The following LARS2 variants were observed in gnomAD, a reference collection of about 807,000 sequenced individuals.
The protein encoded by LARS2 is leucine--tRNA ligase, mitochondrial.
LARS2 carries 81 observed loss-of-function variants against 116.6 expected under a neutral mutation model. The ratio of observed to expected loss-of-function variants is 0.69; its 90% CI spans 0.58 to 0.84. The LOEUF is 0.84. Among genes scored for constraint, LARS2 ranks in the 40% least tolerant of loss-of-function variants. The pLI, the probability that LARS2 is intolerant of heterozygous loss-of-function variation, is 0.00. For synonymous variants in LARS2, 396 were observed against 407.2 expected, an observed-to-expected ratio of 0.97 and a Z score of 0.33; for missense variants, 968 against 1,114.5, an observed-to-expected ratio of 0.87 and a Z score of 1.87.
intron 6 of LARS2, among the ~76,000 whole-genome samples, chr3:45,429,244 C>G (rs4682784): frequency 0.89 from 136,097 of 152,228 alleles, 62,771 homozygotes; most frequent in East Asian, 1. Flanking sequence ...CCTCTGCGAG[C>G]GTCTTACAAG....
intron 4 of LARS2, among the ~76,000 whole-genome samples, chr3:45,406,884 C>G (rs1322637864): frequency 6.6e-6 from 1 of 152,036 alleles, no homozygotes; most frequent in Non-Finnish European, 1.5e-5. Flanking sequence ...TAAAACTTAG[C>G]TCCATATGGT....
At position 45,500,427 on chromosome 3, in the gene LARS2, A is replaced by C; in HGVS notation, c.1623-15A>C. ...AAAGCAGGTTTTTAAAAATGCCTCC[A>C]TCTCTTTTTTACAGCCCTTTTAACA... On this transcript the variant is annotated splice_polypyrimidine_tract_variant and intron_variant, in intron 14 of 21. Coordinates refer to ENST00000645846, the MANE Select transcript of LARS2 (RefSeq NM_015340.4). 6.3e-7 allele frequency: 1 copy of C among 1,595,460 alleles called. No individual in the cohort carries two copies. Among genetic ancestry groups the C allele is most frequent in the Non-Finnish European group, 8.5e-7 (1 of 1,174,450 alleles).
At chr3:45,492,859 C>G (rs1052734440) in intron 13 of LARS2, among the ~76,000 whole-genome samples, 5 of 152,156 alleles carry the variant, frequency 3.3e-5, no homozygotes, top group African/African-American at 1.2e-4. Context: ...CAAGGTGGAA[C>G]TTGGAGGGAG....
rs369446248 is a variant in LARS2 at position 45,436,718 on chromosome 3, C to T, written c.517-10173C>T. Among the ~76,000 whole-genome samples, 39 of 147,252 alleles carry T rather than the reference C, an allele frequency of 2.6e-4. 2 individuals carry two copies. The highest frequency in any genetic ancestry group is 8.4e-4 in the African/African-American group (34 of 40,278). On this transcript the variant is annotated intron_variant, in intron 6 of 21. Coordinates refer to ENST00000645846, the MANE Select transcript of LARS2 (RefSeq NM_015340.4). Reference sequence around the variant, plus strand: ...CTGAGGCAAGAGAATGGCGTGAACCCGGGAAGCGGAGCTTGCAGTGAGCCG... The same window carrying T: ...CTGAGGCAAGAGAATGGCGTGAACCTGGGAAGCGGAGCTTGCAGTGAGCCG...
At chr3:45,504,175 C>T (rs1457150382) in intron 15 of LARS2, among the ~76,000 whole-genome samples, 1 of 151,516 alleles carries the variant, frequency 6.6e-6, no homozygotes, top group East Asian at 1.9e-4. Flanking sequence ...TTTTTAAGTC[C>T]AGTGATCCTC....
chr3:45,511,668 T>A (rs369437002), intron 15 of LARS2, among the ~76,000 whole-genome samples: 4 of 152,012 alleles, frequency 2.6e-5, no homozygotes, highest in Admixed American at 1.3e-4. Flanking sequence ...TGCAATTCTG[T>A]CCGTTCTCGG....
intron 20 of LARS2, among the ~76,000 whole-genome samples, chr3:45,540,249 ACT>A (rs758092109): frequency 1.3e-5 from 2 of 151,730 alleles, no homozygotes; most frequent in African/African-American, 4.8e-5. Flanking sequence ...ACAGAGTGAG[ACT>A]CTGTCTCAAA....
chr3:45,504,767 G>A (rs1427555847), intron 15 of LARS2, among the ~76,000 whole-genome samples: 2 of 149,788 alleles, frequency 1.3e-5, no homozygotes, highest in Non-Finnish European at 3.0e-5. Flanking sequence ...GTTTTGTTTT[G>A]TTTGTTTTTT....
chr3:45,478,605 A>T (rs1338029820), intron 10 of LARS2, among the ~76,000 whole-genome samples: 1 of 152,220 alleles, frequency 6.6e-6, no homozygotes, highest in Non-Finnish European at 1.5e-5. Context: ...CATTTTGGCA[A>T]ATTTAGTGCC....
chr3:45,512,285 G>C (rs1700303069), intron 15 of LARS2, among the ~76,000 whole-genome samples: 1 of 152,212 alleles, frequency 6.6e-6, no homozygotes, highest in Non-Finnish European at 1.5e-5. Flanking sequence ...TGTGTTATCA[G>C]CAGATATCGC....
chr3:45,415,483 A>G (rs1698397549), intron 4 of LARS2, among the ~76,000 whole-genome samples: 1 of 152,180 alleles, frequency 6.6e-6, no homozygotes, highest in Non-Finnish European at 1.5e-5. Flanking sequence ...ACTGAGGAGA[A>G]AAGGAACCTA....
At chr3:45,470,787 G>A (rs1055800456) in intron 8 of LARS2, among the ~76,000 whole-genome samples, 4 of 152,060 alleles carry the variant, frequency 2.6e-5, no homozygotes, top group Admixed American at 2.0e-4. Context: ...AAGTATTGAG[G>A]AATTAGAGGA....
At chr3:45,416,436 G>A (rs929739023) in intron 4 of LARS2, among the ~76,000 whole-genome samples, 5 of 152,088 alleles carry the variant, frequency 3.3e-5, no homozygotes, top group East Asian at 1.9e-4. Context: ...ACTGTGTGCC[G>A]GATTCAGGCA....
intron 6 of LARS2, among the ~76,000 whole-genome samples, chr3:45,420,249 T>C (rs912597907): frequency 6.6e-6 from 1 of 152,240 alleles, no homozygotes; most frequent in African/African-American, 2.4e-5. Flanking sequence ...CACGAGGAGT[T>C]CATGGAAAGC....
intron 6 of LARS2, among the ~76,000 whole-genome samples, chr3:45,425,580 TG>T (rs903474170): frequency 2.0e-5 from 3 of 152,218 alleles, no homozygotes; most frequent in African/African-American, 7.2e-5. Context: ...TTCCAAGTTT[TG>T]TCCATCAGTG....
Position 45,547,746 on chromosome 3 carries a change from C to T in LARS2, c.*216C>T. ...CTGGGCAAAGGAGAAATATGAGCTA[C>T]TGAGGAGGGGGTTGGACATCCTGCC... On this transcript the variant is annotated 3_prime_UTR_variant, in exon 22 of 22. Coordinates refer to ENST00000645846, the MANE Select transcript of LARS2 (RefSeq NM_015340.4). 1 of 484,782 alleles carries T rather than the reference C, an allele frequency of 2.1e-6. No individual in the cohort carries two copies. Among genetic ancestry groups the T allele is most frequent in the Non-Finnish European group, 3.6e-6 (1 of 276,008 alleles). The allele number at this position is 484,782 out of a possible 1,614,324, so 30.0% of individuals were successfully genotyped here. A position where few individuals can be genotyped will look rare whatever the true frequency, so the allele number is the denominator to read the frequency against.
At chr3:45,504,752 T>G (rs74319493) in intron 15 of LARS2, among the ~76,000 whole-genome samples, 3,615 of 151,950 alleles carry the variant, frequency 0.024, 88 homozygotes, top group Non-Finnish European at 0.036. Flanking sequence ...TTTAGTGTTT[T>G]TTTTGTTTTG....
At chr3:45,462,295 GA>G (rs1396508832) in intron 8 of LARS2, among the ~76,000 whole-genome samples, 4 of 152,030 alleles carry the variant, frequency 2.6e-5, no homozygotes, top group African/African-American at 9.7e-5. Flanking sequence ...AGAACAGGAA[GA>G]AAAGGGCTGG....
At chr3:45,415,814 C>T (rs560762307) in intron 4 of LARS2, among the ~76,000 whole-genome samples, 16 of 146,982 alleles carry the variant, frequency 1.1e-4, no homozygotes, top group African/African-American at 3.8e-4. Context: ...CACCATTGCA[C>T]TCCAGCCTGG....
Sources: gnomAD v4.1 joint callset for allele counts (sites outside exome capture counted in the v4.1 genomes callset) on GRCh38, gnomAD v4.1.1 for gene constraint, MANE v1.5 for transcripts, NCBI Gene and HGNC (gene_info 2026-07-23, HGNC 2026-07-21) for gene names.